The following UNC80 variants were observed in gnomAD, a reference collection of about 807,000 sequenced individuals.
The protein encoded by UNC80 is unc-80 subunit of NALCN channel complex.
A neutral mutation model predicts 384.6 loss-of-function variants in UNC80; 164 were observed. The observed-to-expected ratio is 0.43, with a 90% confidence interval of 0.38 to 0.49. The LOEUF is 0.49. Ranked by LOEUF, UNC80 falls within the 20% of genes least tolerant of loss-of-function variation. The pLI is 0.00. For missense variants in UNC80, 3,330 were observed against 4,143.0 expected (o/e 0.80, Z 5.39); for synonymous variants, 1,486 against 1,527.8 (o/e 0.97, Z 0.64).
At chr2:209,794,121 T>G (rs928658450) in intron 7 of UNC80, among the ~76,000 whole-genome samples, 2 of 152,240 alleles carry the variant, frequency 1.3e-5, no homozygotes, top group Non-Finnish European at 2.9e-5. Context: ...AATGTTTAAG[T>G]GCAGAACTCA....
intron 5 of UNC80, among the ~76,000 whole-genome samples, chr2:209,786,606 CT>C (rs1286204600): frequency 6.6e-6 from 1 of 152,086 alleles, no homozygotes; most frequent in African/African-American, 2.4e-5. Flanking sequence ...ACAAAATCAT[CT>C]TAGTGTTGTA....
intron 26 of UNC80, among the ~76,000 whole-genome samples, chr2:209,892,831 T>C (rs1032011144): frequency 6.6e-6 from 1 of 152,242 alleles, no homozygotes; most frequent in African/African-American, 2.4e-5. Flanking sequence ...AGTTTTGTGC[T>C]ATAATTAAAA....
Position 209,985,338 on chromosome 2 carries a change from A to G in UNC80, c.9314+426A>G, listed in dbSNP as rs115603161. On this transcript the variant is annotated intron_variant, in intron 61 of 64. Transcript: ENST00000673920. ...TAAATCAAGACAGGTCTTTTAGCTA[A>G]TACCATTGATTGTAAGAAAATAGAC... 9.5e-3 allele frequency among the ~76,000 whole-genome samples: 1,453 copies of G among 152,358 alleles called. 20 individuals are homozygous for G. The highest frequency in any genetic ancestry group is 0.031 in the African/African-American group (1,278 of 41,576).
At position 209,978,607 on chromosome 2, in the gene UNC80, G is replaced by A. The variant is rs371059292; in HGVS notation, c.9017G>A (p.Arg3006His). The stretch of plus-strand genomic sequence containing the variant: ...CGCCTGAGCTTGGCCACCATGTCCC[G>A]CTCTAACACGGGCACGGGCACTGTC... The part of the protein sequence containing the change: ...AYRLSLATMS[R>H]SNTGTGTVWE... The change falls in exon 59 of 65, where the codon CGC becomes CAC. Residue 3006 changes from arginine to histidine, a missense_variant. Around this residue, in one of 8 missense-constraint regions of UNC80, gnomAD observed 216 missense variants for 245.3 expected, o/e 0.88. Coordinates refer to ENST00000673920, the MANE Select transcript of UNC80 (RefSeq NM_001371986.1). 4.1e-5 allele frequency: 63 copies of A among 1,551,306 alleles called. No individual in the cohort carries two copies. Among genetic ancestry groups the A allele is most frequent in the Non-Finnish European group, 5.0e-5 (57 of 1,146,822 alleles).
rs752719505 is a variant in UNC80, at chr2:209,922,402, G to A, written c.5662+19G>A. On this transcript the variant is annotated intron_variant, in intron 35 of 64. Coordinates refer to ENST00000673920, the MANE Select transcript of UNC80 (RefSeq NM_001371986.1). ...GCTGAAGGTGTGTCCTCTTGCATAC[G>A]TTTTATTTCTCCTGACTTATGTGTT... The A allele has an allele frequency of 9.0e-6, 14 of 1,548,642 alleles. No individual in the cohort carries two copies. The highest frequency in any genetic ancestry group is 1.7e-4 in the Middle Eastern group (1 of 6,008).
chr2:209,957,750 C>T lies in UNC80; in HGVS notation c.7550+14C>T. 6.4e-7 allele frequency: 1 copy of T among 1,550,636 alleles called. No individual in the cohort carries two copies. The highest frequency in any genetic ancestry group is 8.7e-7 in the Non-Finnish European group (1 of 1,146,174). Reference sequence around the variant, plus strand: ...GGTGAACACCAGGTAATTCACTGCGCCTTATTCTTCTATGGTCTCTCAATT... The same window carrying T: ...GGTGAACACCAGGTAATTCACTGCGTCTTATTCTTCTATGGTCTCTCAATT... On this transcript the variant is annotated intron_variant, in intron 49 of 64. Coordinates refer to ENST00000673920, the MANE Select transcript of UNC80 (RefSeq NM_001371986.1).
At chr2:209,863,629 C>G (rs1484321407) in intron 22 of UNC80, among the ~76,000 whole-genome samples, 1 of 151,794 alleles carries the variant, frequency 6.6e-6, no homozygotes, top group Non-Finnish European at 1.5e-5. Flanking sequence ...GTCGATTCAG[C>G]TATTGATACT....
chr2:209,943,669 G>A (rs2091767105), intron 45 of UNC80, among the ~76,000 whole-genome samples, 155 bp downstream of exon 45: 1 of 152,172 alleles, frequency 6.6e-6, no homozygotes, highest in South Asian at 2.1e-4. Context: ...AAACTGTATA[G>A]TGAAAAAAGG....
rs1388309844 is a variant in UNC80, at chr2:209,819,048, A to G, written c.1749A>G (p.Ser583=). 6.4e-7 allele frequency: 1 copy of G among 1,551,892 alleles called. No individual in the cohort carries two copies. The highest frequency in any genetic ancestry group is 8.7e-7 in the Non-Finnish European group (1 of 1,147,044). Residue 583 remains serine (S), a synonymous_variant, in exon 12 of 65, where the codon TCA becomes TCG. Coordinates refer to ENST00000673920, the MANE Select transcript of UNC80 (RefSeq NM_001371986.1). ...TVATFNTTLA[S]FNVGYADFFN... ...CGACCTTCAATACCACTTTGGCGTC[A>G]TTCAACGTAGGCTATGCAGACTTTT...
At chr2:209,848,680 T>C (rs2082321765) in intron 21 of UNC80, among the ~76,000 whole-genome samples, 1 of 152,164 alleles carries the variant, frequency 6.6e-6, no homozygotes, top group South Asian at 2.1e-4. Flanking sequence ...TTGGTAATTA[T>C]TTTTATGCCT....
rs575996064 is a variant in UNC80 at position 209,771,847 on chromosome 2, C to T, written c.-226C>T. 87 of 542,600 alleles carry T rather than the reference C, an allele frequency of 1.6e-4. No individual in the cohort carries two copies. Among genetic ancestry groups the T allele is most frequent in the South Asian group, 8.4e-4 (41 of 48,532 alleles). 33.6% of individuals were successfully genotyped at this position (542,600 alleles called of 1,614,324 possible). ...GCGGACCGCTGCTCCGAGCGCCCCC[C>T]TCCTCGCTCCGCGGCTCCTCCAGCC... On this transcript the variant is annotated 5_prime_UTR_variant, in exon 1 of 65. Transcript: ENST00000673920.
chr2:209,922,127 T>TA, intron 34 of UNC80, 125 bp from the exon 35 acceptor site: 1 of 1,143,686 alleles, frequency 8.7e-7, no homozygotes, highest in Non-Finnish European at 1.2e-6. Flanking sequence ...CTTTTCTAAG[T>TA]ACACTCAAAA....
At chr2:209,811,049 G>A (rs1369678634) in intron 7 of UNC80, among the ~76,000 whole-genome samples, 3 of 152,100 alleles carry the variant, frequency 2.0e-5, no homozygotes, top group Admixed American at 6.6e-5. Flanking sequence ...ATGGGTGGGC[G>A]AAGGGAGAGC....
chr2:209,838,690 G>A lies in UNC80; in HGVS notation c.3042-532G>A, dbSNP rs561338245. Among the ~76,000 whole-genome samples the A allele has an allele frequency of 3.4e-4, 51 of 152,232 alleles. No homozygotes were observed. The South Asian group carries it at 8.1e-3, about 24-fold the overall frequency. ...AAAAAGTTAAATATTGGCTGGGCAC[G>A]GTGGCTCATGCCTGTAATCCCAGCA... On this transcript the variant is annotated intron_variant, in intron 18 of 64. Coordinates refer to ENST00000673920, the MANE Select transcript of UNC80 (RefSeq NM_001371986.1).
chr2:209,972,788 A>G (rs1031709046), intron 55 of UNC80, among the ~76,000 whole-genome samples: 8 of 152,342 alleles, frequency 5.3e-5, no homozygotes, highest in African/African-American at 1.9e-4. Flanking sequence ...AGTACAGTGC[A>G]TCATGAGTAT....
At chr2:209,833,276 CA>C (rs554565630) in intron 16 of UNC80, among the ~76,000 whole-genome samples, 34,563 of 97,394 alleles carry the variant, frequency 0.35, 3,649 homozygotes, top group Non-Finnish European at 0.41. Flanking sequence ...TTTCCTAAGG[CA>C]AAAAAAAAAA....
chr2:209,804,679 TTA>T (rs992678961), intron 7 of UNC80, among the ~76,000 whole-genome samples: 18 of 150,304 alleles, frequency 1.2e-4, no homozygotes, highest in East Asian at 3.9e-4. Context: ...TTCTTAGAAG[TTA>T]TATATATATA....
intron 37 of UNC80, among the ~76,000 whole-genome samples, chr2:209,930,759 A>G (rs2090795300): frequency 6.6e-6 from 1 of 152,182 alleles, no homozygotes; most frequent in Non-Finnish European, 1.5e-5. Context: ...TTTATGTGTT[A>G]GCTCCTAGGA....
intron 47 of UNC80, among the ~76,000 whole-genome samples, chr2:209,950,910 C>T (rs941949844): frequency 2.0e-5 from 3 of 151,830 alleles, no homozygotes; most frequent in Admixed American, 6.6e-5. Context: ...CAGTGGCTCA[C>T]GCCTGGAATC....
Sources: gnomAD v4.1 joint callset for allele counts (sites outside exome capture counted in the v4.1 genomes callset) on GRCh38, gnomAD v4.1.1 for gene constraint, gnomAD v4.1.1 regional missense constraint, MANE v1.5 for transcripts, NCBI Gene and HGNC (gene_info 2026-07-23, HGNC 2026-07-21) for gene names.